Variants in NTN1 observed in about 807,000 individuals in gnomAD.
NTN1 encodes the protein netrin 1.
Under a neutral mutation model 54.2 loss-of-function variants are expected in NTN1, and 11 were observed. The observed-to-expected ratio is 0.20, with a 90% CI of 0.13 to 0.34. NTN1 has a LOEUF of 0.34. Among genes scored for constraint, NTN1 ranks in the 10% least tolerant of loss-of-function variants. NTN1 has a pLI of 1.00. For missense variants in NTN1, 740 were observed against 893.1 expected (o/e 0.83, Z 2.18); for synonymous variants, 371 against 382.0 (o/e 0.97, Z 0.33).
intron 2 of NTN1, among the ~76,000 whole-genome samples, chr17:9,063,392 C>A (rs551581939): frequency 6.6e-6 from 1 of 151,292 alleles, no homozygotes; most frequent in Non-Finnish European, 1.5e-5. Flanking sequence ...GCCACCGCTC[C>A]CAGCCCATTA....
intron 3 of NTN1, among the ~76,000 whole-genome samples, chr17:9,170,678 G>C (rs2142306723): frequency 6.6e-6 from 1 of 152,302 alleles, no homozygotes; most frequent in Middle Eastern, 3.4e-3. Flanking sequence ...TCCAGATTTG[G>C]CTCTGGAAGT....
chr17:9,083,945 T>C (rs1310738787), intron 2 of NTN1, among the ~76,000 whole-genome samples: 1 of 152,110 alleles, frequency 6.6e-6, no homozygotes, highest in African/African-American at 2.4e-5. Flanking sequence ...GAGAGGCACA[T>C]TGAGGAGGTG....
chr17:9,202,045 CACACACACACAAAAAAAAAA>C (rs1904803385), intron 5 of NTN1, among the ~76,000 whole-genome samples: 1 of 25,822 alleles, frequency 3.9e-5, no homozygotes, highest in East Asian at 9.9e-4. Context: ...CACACACACA[CACACACACACAAAAAAAAAA>C]AAAAAAAAAA....
intron 5 of NTN1, among the ~76,000 whole-genome samples, chr17:9,220,666 C>T (rs1905314614): frequency 6.6e-6 from 1 of 152,040 alleles, no homozygotes; most frequent in African/African-American, 2.4e-5. Context: ...AGAGTGAACA[C>T]CAAAGGGGTT....
At chr17:9,021,391 A>G (rs2091846670), upstream of NTN1, among the ~76,000 whole-genome samples, 1 of 150,450 alleles carries the variant, frequency 6.6e-6, no homozygotes, top group Non-Finnish European at 1.5e-5. Context: ...GTTCCCTTTA[A>G]CTTTCTTCTT....
chr17:9,093,620 A>G (rs1285060548), intron 2 of NTN1, among the ~76,000 whole-genome samples: 1 of 152,238 alleles, frequency 6.6e-6, no homozygotes, highest in African/African-American at 2.4e-5. Flanking sequence ...GCAGCCTCTC[A>G]AAGTGTAGGA....
intron 2 of NTN1, among the ~76,000 whole-genome samples, chr17:9,153,478 C>T (rs2092333492): frequency 6.6e-6 from 1 of 152,052 alleles, no homozygotes; most frequent in Non-Finnish European, 1.5e-5. Flanking sequence ...GGGGTTGACT[C>T]AGCTCTGTGT....
intron 2 of NTN1, among the ~76,000 whole-genome samples, chr17:9,102,610 T>G (rs2092154295): frequency 6.6e-6 from 1 of 152,210 alleles, no homozygotes; most frequent in South Asian, 2.1e-4. Context: ...ACGCAGCAAT[T>G]CCACTCTTGG....
intron 5 of NTN1, among the ~76,000 whole-genome samples, chr17:9,210,562 C>A (rs1446847180): frequency 6.6e-6 from 1 of 152,070 alleles, no homozygotes; most frequent in Non-Finnish European, 1.5e-5. Flanking sequence ...ATACAGATGT[C>A]ATTTACTATA....
chr17:9,231,599 G>T (rs181975822), intron 6 of NTN1, among the ~76,000 whole-genome samples: 12 of 152,256 alleles, frequency 7.9e-5, no homozygotes, highest in Non-Finnish European at 1.3e-4. Flanking sequence ...TGCCAGCCCG[G>T]CTTGCGGTGA....
chr17:9,152,135 T>G (rs1307912897), intron 2 of NTN1, among the ~76,000 whole-genome samples: 1 of 152,164 alleles, frequency 6.6e-6, no homozygotes, highest in Non-Finnish European at 1.5e-5. Flanking sequence ...CAATAAATCT[T>G]GCTGCCGCTC....
intron 2 of NTN1, among the ~76,000 whole-genome samples, chr17:9,136,728 T>G (rs2092282683): frequency 1.3e-5 from 2 of 152,188 alleles, no homozygotes; most frequent in Non-Finnish European, 1.5e-5. Flanking sequence ...AAGAAATTGG[T>G]CTTTATGAAT....
In NTN1 at chr17:9,071,489, T is replaced by TA. The variant is rs150147495; in HGVS notation, c.1018+48109dup. On this transcript the variant is annotated intron_variant, in intron 2 of 6. Transcript: ENST00000173229. ...TTTTTAAAATATGAAGTTTAAAAATTAAAAAAAAAAACCATAAAACAATGT... is the reference window on the plus strand; with the variant it reads ...TTTTTAAAATATGAAGTTTAAAAATTAAAAAAAAAAAACCATAAAACAATGT... 1.2e-3 allele frequency among the ~76,000 whole-genome samples: 176 copies of TA among 147,874 alleles called. 1 individual carries two copies. The highest frequency in any genetic ancestry group is 7.3e-3 in the South Asian group (34 of 4,660).
At chr17:9,227,851 C>T (rs1468921923) in intron 6 of NTN1, among the ~76,000 whole-genome samples, 1 of 151,650 alleles carries the variant, frequency 6.6e-6, no homozygotes, top group Non-Finnish European at 1.5e-5. Flanking sequence ...TTATCGCACA[C>T]ATGCACACCC....
chr17:9,180,064 A>G (rs561464912), intron 4 of NTN1, 108 bp downstream of exon 4: 2 of 1,256,674 alleles, frequency 1.6e-6, no homozygotes, highest in Admixed American at 2.5e-5. Context: ...TGGTTGGTTG[A>G]GTCTCACTGT....
chr17:9,046,142 C>T (rs189992195), intron 2 of NTN1, among the ~76,000 whole-genome samples: 2 of 152,244 alleles, frequency 1.3e-5, no homozygotes, highest in East Asian at 1.9e-4. Context: ...TTGTAAATCA[C>T]GTGTGATGAA....
At chr17:9,067,453 G>A (rs1421190149) in intron 2 of NTN1, among the ~76,000 whole-genome samples, 1 of 152,152 alleles carries the variant, frequency 6.6e-6, no homozygotes, top group East Asian at 1.9e-4. Flanking sequence ...TAAGATAACA[G>A]TTTTCACTGT....
intron 2 of NTN1, among the ~76,000 whole-genome samples, chr17:9,131,598 T>G (rs2092265460): frequency 6.7e-6 from 1 of 149,832 alleles, no homozygotes; most frequent in Admixed American, 6.8e-5. Context: ...TTTTTTTTTT[T>G]GAGGTGAAGT....
intron 3 of NTN1, among the ~76,000 whole-genome samples, 196 bp from the exon 4 acceptor site, chr17:9,179,607 TTTTA>T (rs1413843216): frequency 6.6e-6 from 1 of 152,252 alleles, no homozygotes; most frequent in African/African-American, 2.4e-5. Flanking sequence ...CCATTTTGGT[TTTTA>T]TTCTCCGTTT....
Sources: allele counts gnomAD v4.1 joint callset (sites outside exome capture counted in the v4.1 genomes callset), GRCh38; gene constraint gnomAD v4.1.1; transcripts MANE v1.5; gene names NCBI Gene and HGNC (gene_info 2026-07-23, HGNC 2026-07-21).